The following TPM4 variants were observed in gnomAD, a reference collection of about 807,000 sequenced individuals.
The protein encoded by TPM4 is tropomyosin alpha-4 chain.
Under a neutral mutation model 35.8 loss-of-function variants are expected in TPM4, and 17 were observed. The ratio of observed to expected loss-of-function variants is 0.47; its 90% confidence interval spans 0.32 to 0.71. The LOEUF is 0.71. Ranked by LOEUF, TPM4 falls within the 30% of genes least tolerant of loss-of-function variation. TPM4 has a pLI of 0.03. For synonymous variants in TPM4, 120 were observed against 122.9 expected (o/e 0.98, Z 0.15); for missense variants, 240 against 320.9 (o/e 0.75, Z 1.93).
At position 16,088,013 on chromosome 19, in the gene TPM4, T is replaced by G; in HGVS notation, c.385-14T>G. On this transcript the variant is annotated splice_polypyrimidine_tract_variant and intron_variant, in intron 3 of 7. Transcript: ENST00000643579. ...GTGGGGATCGGGCTCAGCTGGGCCT[T>G]TCTGTCTCTGCAGGTAGCTCGTAAG... 1.2e-6 allele frequency: 2 copies of G among 1,607,198 alleles called. No individual in the cohort carries two copies.
At chr19:16,075,977 G>GA (rs201437531), upstream of TPM4, 2,340 of 1,542,726 alleles carry the variant, frequency 1.5e-3, 27 homozygotes, top group African/African-American at 0.027. Flanking sequence ...TATTGGGGGG[G>GA]ACCGCCCCTG....
At chr19:16,076,100 G>A (rs1599361958), upstream of TPM4, 1 of 1,605,038 alleles carries the variant, frequency 6.2e-7, no homozygotes, top group Non-Finnish European at 8.5e-7. Context: ...CAGAGGACGA[G>A]CTGGATAAAT....
intron 2 of TPM4, among the ~76,000 whole-genome samples, chr19:16,069,271 G>C (rs1238150658): frequency 2.0e-5 from 3 of 152,026 alleles, no homozygotes; most frequent in African/African-American, 7.3e-5. Context: ...ATGTGTATGA[G>C]TGTGTTTCTG....
intron 1 of TPM4, among the ~76,000 whole-genome samples, chr19:16,078,830 TAAAAAAAAAAA>T (rs55714667): frequency 7.9e-6 from 1 of 126,406 alleles, no homozygotes; most frequent in African/African-American, 3.0e-5. Flanking sequence ...AGGGGTGGGT[TAAAAAAAAAAA>T]AAAAAAAACC....
chr19:16,088,208 G>C, intron 4 of TPM4, 111 bp downstream of exon 4: 1 of 1,455,506 alleles, frequency 6.9e-7, no homozygotes, highest in Non-Finnish European at 9.4e-7. Context: ...TCAAGTGGAC[G>C]GGCGTCAGGG....
rs143595902 is a variant in TPM4 at position 16,102,847 on chromosome 19, A to G, written c.*1501A>G. 0.011 allele frequency: 1,651 copies of G among 154,610 alleles called. 12 individuals carry two copies. Among genetic ancestry groups the G allele is most frequent in the Non-Finnish European group, 0.015 (1,203 of 82,316 alleles). 9.6% of individuals were successfully genotyped at this position (154,610 alleles called of 1,614,324 possible). A position where few individuals can be genotyped will look rare whatever the true frequency, so the allele number is the denominator to read the frequency against. On this transcript the variant is annotated 3_prime_UTR_variant, in exon 8 of 8. Transcript: ENST00000643579. ...AATCCCTTACCCACCCCACCCCACCACCCTACTCCTATTTATTCAGCACCA... is the reference window on the plus strand; with the variant it reads ...AATCCCTTACCCACCCCACCCCACCGCCCTACTCCTATTTATTCAGCACCA...
Position 16,093,715 on chromosome 19 carries a change from C to T in TPM4, c.626C>T (p.Thr209Met). 3.1e-6 allele frequency: 5 copies of T among 1,613,964 alleles called. No homozygotes were observed. The highest frequency in any genetic ancestry group is 4.2e-6 in the Non-Finnish European group (5 of 1,180,010). ...ACCCGTGCTGAATTTGCAGAGAGAA[C>T]GGTTGCAAAACTGGAAAAGACAATT... is the stretch of plus-strand genomic sequence containing the variant. ...AETRAEFAER[T>M]VAKLEKTIDD... Residue 209 changes from threonine (T) to methionine (M), a missense_variant, in exon 7 of 8, where the codon ACG becomes ATG. Coordinates refer to ENST00000643579, the MANE Select transcript of TPM4 (RefSeq NM_003290.3).
chr19:16,094,044 A>T (rs540137008), intron 7 of TPM4, among the ~76,000 whole-genome samples: 77 of 143,012 alleles, frequency 5.4e-4, no homozygotes, highest in African/African-American at 2.0e-3. Context: ...GGCTCACTGC[A>T]ACCTGCGCCT....
chr19:16,077,403 G>C (rs954959000), intron 1 of TPM4: 3 of 152,188 alleles, frequency 2.0e-5, no homozygotes, highest in African/African-American at 4.8e-5. Flanking sequence ...GCTGGCGCGG[G>C]GCCCTGAACC....
intron 2 of TPM4, 123 bp downstream of exon 2, chr19:16,082,169 A>G (rs767473262): frequency 4.9e-5 from 65 of 1,323,348 alleles, no homozygotes; most frequent in Non-Finnish European, 6.3e-5. Context: ...GTGTCCACAA[A>G]AAAGTGCATG....
upstream of TPM4, chr19:16,076,330 A>G: frequency 6.7e-7 from 1 of 1,494,708 alleles, no homozygotes; most frequent in South Asian, 1.3e-5. Context: ...GGCACTTTCC[A>G]GCAGCTGTGG....
At chr19:16,076,432 G>C (rs1160384744), upstream of TPM4, 9 of 1,348,246 alleles carry the variant, frequency 6.7e-6, no homozygotes, top group East Asian at 2.5e-4. Flanking sequence ...GCCGGCCCGG[G>C]GGGCGGGGAG....
At chr19:16,081,013 C>T (rs2090476019) in intron 1 of TPM4, 1 of 398,488 alleles carries the variant, frequency 2.5e-6, no homozygotes, top group Admixed American at 4.4e-5. Context: ...GTCCTGCCAT[C>T]TCTCAGCCAG....
upstream of TPM4, chr19:16,076,324 C>T: frequency 7.3e-6 from 11 of 1,500,168 alleles, no homozygotes; most frequent in Non-Finnish European, 9.7e-6. Context: ...AAAAGGGGCA[C>T]TTTCCAGCAG....
Position 16,076,682 on chromosome 19 carries a change from C to A in TPM4, c.117C>A (p.Arg39=). The A allele has an allele frequency of 7.3e-7, 1 of 1,366,856 alleles. No homozygotes were observed. The highest frequency in any genetic ancestry group is 9.4e-7 in the Non-Finnish European group (1 of 1,061,288). 84.7% of individuals were successfully genotyped at this position (1,366,856 alleles called of 1,614,324 possible). Residue 39 remains arginine, a synonymous_variant, in exon 1 of 8, where the codon CGC becomes CGA. Transcript: ENST00000643579. ...TGCAGCGGGAGCTGGACGGCGAGCG[C>A]GAGCGGCGCGAGAAAGTGAGCGCCC... ...QGLQRELDGE[R]ERREKAEGDV...
At chr19:16,080,631 C>T (rs1024045572) in intron 1 of TPM4, among the ~76,000 whole-genome samples, 2 of 152,020 alleles carry the variant, frequency 1.3e-5, no homozygotes, top group Admixed American at 6.6e-5. Flanking sequence ...ACCAACAAGA[C>T]GAAACCCTGT....
At position 16,070,151 on chromosome 19, in the gene TPM4, G is replaced by A. The variant is rs968378651; in HGVS notation, c.114+2413G>A. On this transcript the variant is annotated intron_variant, in intron 2 of 2. Transcript: ENST00000589897. This position sits in a 1 kb window ranked among gnomAD's most constrained non-coding sequence, Gnocchi z 7.4. ...TAAAAGCCTGGAGGCCGGGGCAGGT[G>A]GGCTGCCCGTGGTGGACGGAGGAGA... is the stretch of plus-strand genomic sequence containing the variant. Among the ~76,000 whole-genome samples, 4 of 152,144 alleles carry A rather than the reference G, an allele frequency of 2.6e-5. No individual in the cohort carries two copies. Among genetic ancestry groups the A allele is most frequent in the Non-Finnish European group, 4.4e-5 (3 of 68,010 alleles).
chr19:16,087,640 T>C (rs904508652), intron 3 of TPM4, among the ~76,000 whole-genome samples: 2 of 151,834 alleles, frequency 1.3e-5, no homozygotes, highest in Non-Finnish European at 2.9e-5. Flanking sequence ...CCCAGCACTC[T>C]GGGAGGCCGA....
At chr19:16,098,665 G>GC (rs1368648903) in intron 7 of TPM4, among the ~76,000 whole-genome samples, 3 of 152,028 alleles carry the variant, frequency 2.0e-5, no homozygotes, top group Non-Finnish European at 4.4e-5. Context: ...TTAAGGCCTG[G>GC]CGCAGTGGCT....
Sources: allele counts gnomAD v4.1 joint callset (sites outside exome capture counted in the v4.1 genomes callset), GRCh38; gene constraint gnomAD v4.1.1; non-coding constraint Gnocchi (gnomAD v3.1); transcripts MANE v1.5; gene names NCBI Gene and HGNC (gene_info 2026-07-23, HGNC 2026-07-21).